Variants in PDE1C observed in about 807,000 individuals in gnomAD.
The protein encoded by PDE1C is phosphodiesterase 1C, also known as dual specificity calcium/calmodulin-dependent 3',5'-cyclic nucleotide phosphodiesterase 1C.
In PDE1C, 62 loss-of-function variants were observed where a neutral mutation model predicts 93.1. That is an observed-to-expected ratio of 0.67 (90% CI 0.54 to 0.82). The LOEUF (loss-of-function observed/expected upper bound fraction) is 0.82, where lower values mean the gene tolerates loss of function less well. Ranked by LOEUF, PDE1C falls within the 40% of genes least tolerant of loss-of-function variation. The pLI, the probability that PDE1C is intolerant of heterozygous loss-of-function variation, is 0.00. For missense variants in PDE1C, 742 were observed against 884.6 expected (o/e 0.84, Z 2.04); for synonymous variants, 325 against 310.1 (o/e 1.05, Z -0.50).
At chr7:32,164,863 AGACTGGATGGACTT>A (rs1761187791) in intron 3 of PDE1C, among the ~76,000 whole-genome samples, 2 of 152,148 alleles carry the variant, frequency 1.3e-5, no homozygotes, top group African/African-American at 4.8e-5. Context: ...GTCACTAATC[AGACTGGATGGACTT>A]GTCTGTCTTC....
At chr7:32,097,627 G>A (rs1306486972) in intron 3 of PDE1C, among the ~76,000 whole-genome samples, 1 of 152,064 alleles carries the variant, frequency 6.6e-6, no homozygotes, top group Non-Finnish European at 1.5e-5. Flanking sequence ...ATGGTGAGAG[G>A]GATGTTTTGT....
intron 2 of PDE1C, among the ~76,000 whole-genome samples, chr7:31,888,249 CAAAAAAAAAAAAAAA>C (rs34112969): frequency 2.3e-5 from 1 of 44,224 alleles, no homozygotes; most frequent in South Asian, 1.0e-3. Flanking sequence ...GACTCAGTCT[CAAAAAAAAAAAAAAA>C]AAAAAAAAAG....
chr7:31,868,175 T>A (rs1795521155), intron 6 of PDE1C, among the ~76,000 whole-genome samples: 1 of 152,210 alleles, frequency 6.6e-6, no homozygotes, highest in Admixed American at 6.5e-5. Flanking sequence ...AATGATTGAC[T>A]AATTACCCAG....
chr7:32,298,875 G>C, exon 1 of PDE1C: 1 of 1,374,490 alleles, frequency 7.3e-7, no homozygotes, highest in Non-Finnish European at 9.3e-7. Context: ...CCCGCCGCGC[G>C]CTGGCAGCTG....
chr7:31,814,050 A>G (rs1292003626), intron 15 of PDE1C, among the ~76,000 whole-genome samples: 2 of 150,838 alleles, frequency 1.3e-5, no homozygotes, highest in East Asian at 4.0e-4. Flanking sequence ...ATACATATAT[A>G]TGTACACACA....
chr7:32,365,829 G>A lies in PDE1C; in HGVS notation c.310+61993C>T, dbSNP rs1303135037. ...CTAGACCACTGAGACACTCAAAAATGTCACTAGTACTACACAGAGATTACA... is the reference window on the plus strand; with the variant it reads ...CTAGACCACTGAGACACTCAAAAATATCACTAGTACTACACAGAGATTACA... On this transcript the variant is annotated intron_variant, in intron 1 of 1. Transcript: ENST00000672256. Among the ~76,000 whole-genome samples the A allele has an allele frequency of 5.3e-5, 8 of 152,026 alleles. No individual in the cohort carries two copies. In the East Asian group the frequency reaches 1.6e-3, roughly 30 times the overall value.
At chr7:31,988,581 G>C (rs1236748901) in intron 2 of PDE1C, among the ~76,000 whole-genome samples, 1 of 152,052 alleles carries the variant, frequency 6.6e-6, no homozygotes, top group Non-Finnish European at 1.5e-5. Flanking sequence ...TTACTGCCTG[G>C]TGTAGTGGCA....
intron 1 of PDE1C, among the ~76,000 whole-genome samples, chr7:32,381,113 G>A (rs1176065345): frequency 6.6e-6 from 1 of 151,848 alleles, no homozygotes; most frequent in East Asian, 1.9e-4. Flanking sequence ...AAGTGTTGGT[G>A]TTATTCTTGA....
chr7:32,309,321 C>A (rs1813106476), intron 1 of PDE1C, among the ~76,000 whole-genome samples: 1 of 152,220 alleles, frequency 6.6e-6, no homozygotes, highest in Non-Finnish European at 1.5e-5. Flanking sequence ...TTGGAAAACA[C>A]TCTGCAGGAT....
chr7:32,285,724 G>A (rs940502076), intron 1 of PDE1C, among the ~76,000 whole-genome samples: 2 of 149,060 alleles, frequency 1.3e-5, no homozygotes, highest in Non-Finnish European at 3.0e-5. Context: ...GAGAGGGGAA[G>A]GGAAGGGAGT....
chr7:32,166,253 G>A (rs1365797843), intron 3 of PDE1C, among the ~76,000 whole-genome samples: 2 of 152,096 alleles, frequency 1.3e-5, no homozygotes, highest in East Asian at 1.9e-4. Context: ...TAATTCGCCG[G>A]GGGCAATAGA....
intron 1 of PDE1C, among the ~76,000 whole-genome samples, chr7:32,397,893 A>G (rs962378381): frequency 1.3e-5 from 2 of 151,896 alleles, no homozygotes; most frequent in Non-Finnish European, 2.9e-5. Flanking sequence ...GGTGGCATGC[A>G]CCTGTAATCC....
intron 3 of PDE1C, among the ~76,000 whole-genome samples, chr7:32,158,893 T>C (rs996862452): frequency 6.6e-6 from 1 of 152,220 alleles, no homozygotes; most frequent in East Asian, 1.9e-4. Flanking sequence ...ACCTTTGCTT[T>C]ACCTGGTTCC....
chr7:32,209,087 A>G (rs1274706194), intron 2 of PDE1C, among the ~76,000 whole-genome samples: 2 of 152,246 alleles, frequency 1.3e-5, no homozygotes. Flanking sequence ...GGATAGTCCT[A>G]GCACAGCACT....
chr7:32,247,771 G>C (rs1236900089), intron 1 of PDE1C, among the ~76,000 whole-genome samples: 1 of 152,128 alleles, frequency 6.6e-6, no homozygotes, highest in African/African-American at 2.4e-5. Context: ...TTCTGAACCT[G>C]TTCAAGGTAG....
At chr7:32,171,133 C>T (rs759459065) in intron 2 of PDE1C, among the ~76,000 whole-genome samples, 1 of 152,210 alleles carries the variant, frequency 6.6e-6, no homozygotes, top group African/African-American at 2.4e-5. Context: ...GAAGCCCTCT[C>T]CTGGGAACTG....
In PDE1C at chr7:32,209,488, C is replaced by T. The variant is rs774396060; in HGVS notation, c.136+1G>A. ...AAAGGAGTGAAACAAGATTTACTCA[C>T]GAGAGAAGCGGGCCAGTGGTCTGGC... On this transcript the variant is annotated splice_donor_variant, in intron 2 of 18. Coordinates refer to the PDE1C transcript ENST00000396193. LOFTEE classifies it high-confidence loss of function. The T allele has an allele frequency of 1.9e-4, 304 of 1,571,172 alleles. 2 individuals carry two copies. Among genetic ancestry groups the T allele is most frequent in the African/African-American group, 1.9e-3 (137 of 73,540 alleles).
At chr7:32,050,302 T>A (rs552495736) in intron 2 of PDE1C, among the ~76,000 whole-genome samples, 1 of 152,310 alleles carries the variant, frequency 6.6e-6, no homozygotes, top group South Asian at 2.1e-4. Context: ...AAAGCATCCA[T>A]GATCAGCTGG....
At chr7:31,810,861 A>T (rs888265803) in intron 15 of PDE1C, among the ~76,000 whole-genome samples, 2 of 152,158 alleles carry the variant, frequency 1.3e-5, no homozygotes, top group Admixed American at 6.6e-5. Context: ...ATTTATAAAG[A>T]ACTGATTATC....
Sources: allele counts gnomAD v4.1 joint callset (sites outside exome capture counted in the v4.1 genomes callset), GRCh38; gene constraint gnomAD v4.1.1; transcripts MANE v1.5; gene names NCBI Gene and HGNC (gene_info 2026-07-23, HGNC 2026-07-21).